The following CFAP221 variants were observed in gnomAD, a reference collection of about 807,000 sequenced individuals.
CFAP221 encodes cilia- and flagella-associated protein 221.
A neutral mutation model predicts 113.1 loss-of-function variants in CFAP221; 97 were observed. That is an observed-to-expected ratio of 0.86 (90% confidence interval 0.73 to 1.02). CFAP221 has a LOEUF of 1.02. Ranked by LOEUF, CFAP221 falls within the 50% of genes least tolerant of loss-of-function variation. CFAP221 has a pLI of 0.00. For missense variants in CFAP221, 1,025 were observed against 1,013.4 expected (o/e 1.01, Z -0.16); for synonymous variants, 331 against 354.4 (o/e 0.93, Z 0.74).
intron 7 of CFAP221, among the ~76,000 whole-genome samples, chr2:119,595,691 C>T (rs1683916990): frequency 6.6e-6 from 1 of 152,034 alleles, no homozygotes; most frequent in Non-Finnish European, 1.5e-5. Flanking sequence ...AGCAGAGATG[C>T]CAGTCGGGGG....
intron 13 of CFAP221, among the ~76,000 whole-genome samples, chr2:119,614,058 T>G (rs543141042): frequency 5.9e-5 from 9 of 152,204 alleles, no homozygotes; most frequent in Non-Finnish European, 1.3e-4. Context: ...TCCACAGATC[T>G]CTAGGGCAGG....
At chr2:119,605,127 G>A (rs1009923485) in intron 10 of CFAP221, 54 bp from the exon 11 acceptor site, 47 of 1,523,334 alleles carry the variant, frequency 3.1e-5, no homozygotes, top group South Asian at 6.8e-5. Flanking sequence ...TTTTCTCTCC[G>A]CACATGATTT....
intron 7 of CFAP221, among the ~76,000 whole-genome samples, chr2:119,599,811 G>A (rs559434180): frequency 6.6e-6 from 1 of 152,282 alleles, no homozygotes; most frequent in South Asian, 2.1e-4. Context: ...AATGTAAACT[G>A]TGAGATCTGG....
At chr2:119,572,697 C>T (rs1421152697) in intron 6 of CFAP221, 2 of 598,974 alleles carry the variant, frequency 3.3e-6, no homozygotes, top group Admixed American at 2.5e-5. Context: ...CTGAAACTCA[C>T]CTGGGGAAGT....
intron 6 of CFAP221, among the ~76,000 whole-genome samples, chr2:119,567,126 C>T (rs895525559): frequency 1.3e-5 from 2 of 152,184 alleles, no homozygotes; most frequent in African/African-American, 4.8e-5. Flanking sequence ...CCTACATTGA[C>T]ACATCATTAT....
chr2:119,554,654 C>T (rs934148063), intron 3 of CFAP221, among the ~76,000 whole-genome samples: 1 of 152,162 alleles, frequency 6.6e-6, no homozygotes, highest in African/African-American at 2.4e-5. Context: ...GGCCATGAAT[C>T]GCATTGGCTT....
chr2:119,562,714 G>A (rs1300698012), intron 6 of CFAP221, among the ~76,000 whole-genome samples: 1 of 152,136 alleles, frequency 6.6e-6, no homozygotes, highest in African/African-American at 2.4e-5. Context: ...GGAATGTCTT[G>A]TTCTTTCAGT....
At chr2:119,598,246 A>G (rs925885407) in intron 7 of CFAP221, among the ~76,000 whole-genome samples, 3 of 152,376 alleles carry the variant, frequency 2.0e-5, no homozygotes, top group East Asian at 1.9e-4. Context: ...CCTCACTGCC[A>G]TAACAAGTAA....
chr2:119,550,803 G>A lies in CFAP221; in HGVS notation c.240+1618G>A, dbSNP rs185842682. On this transcript the variant is annotated intron_variant, in intron 3 of 23. Transcript: ENST00000413369. Reference sequence around the variant, plus strand: ...TATGTATACAATTCAATAATTTTTAGTGTATTCTCAGAGTTGTGCAACCAT... The same window carrying A: ...TATGTATACAATTCAATAATTTTTAATGTATTCTCAGAGTTGTGCAACCAT... 1.4e-4 allele frequency among the ~76,000 whole-genome samples: 22 copies of A among 152,154 alleles called. No homozygotes were observed. The East Asian group carries it at 4.2e-3, about 29-fold the overall frequency.
intron 2 of CFAP221, among the ~76,000 whole-genome samples, chr2:119,547,429 G>A (rs1680126480): frequency 3.9e-5 from 6 of 151,980 alleles, no homozygotes; most frequent in Admixed American, 3.9e-4. Context: ...TGTGGTGGCA[G>A]GCGCCTGTAA....
intron 7 of CFAP221, 104 bp from the exon 8 acceptor site, chr2:119,601,114 T>A: frequency 8.4e-7 from 1 of 1,184,174 alleles, no homozygotes; most frequent in Non-Finnish European, 1.1e-6. Flanking sequence ...GTGCCCCTAA[T>A]CTCCACATTG....
At position 119,559,959 on chromosome 2, in the gene CFAP221, C is replaced by G. The variant is rs896978449; in HGVS notation, c.359C>G (p.Thr120Arg). The G allele has an allele frequency of 2.6e-6, 4 of 1,535,360 alleles. No individual in the cohort carries two copies. Among genetic ancestry groups the G allele is most frequent in the Non-Finnish European group, 2.6e-6 (3 of 1,146,732 alleles). The stretch of plus-strand genomic sequence containing the variant: ...CACCTGGTCCCTGGCTTGTCCCTCA[C>G]GGTCACCGTTACATTTTCTCCAGAT... ...EHHLVPGLSL[T>R]VTVTFSPDEW... Residue 120 changes from threonine to arginine, a missense_variant, in exon 5 of 24, where the codon ACG becomes AGG. Thr to Arg is a moderately conservative substitution (Grantham distance 71). Transcript: ENST00000413369.
chr2:119,612,486 C>T (rs930767162), intron 13 of CFAP221, among the ~76,000 whole-genome samples: 7 of 152,146 alleles, frequency 4.6e-5, no homozygotes, highest in East Asian at 3.9e-4. Flanking sequence ...AAAACTAAGT[C>T]GCTATCATGA....
intron 5 of CFAP221, among the ~76,000 whole-genome samples, chr2:119,560,456 G>A (rs1414702861): frequency 2.6e-5 from 4 of 152,194 alleles, no homozygotes; most frequent in African/African-American, 9.7e-5. Flanking sequence ...AGGCAGCCCT[G>A]GTGCAGGGGA....
intron 6 of CFAP221, among the ~76,000 whole-genome samples, chr2:119,578,521 C>T (rs550425088): frequency 2.6e-5 from 4 of 152,312 alleles, no homozygotes; most frequent in African/African-American, 9.6e-5. Flanking sequence ...ATTGACTTAA[C>T]CCTAAAATGA....
chr2:119,561,941 A>T, intron 5 of CFAP221, 73 bp from the exon 6 acceptor site: 1 of 948,918 alleles, frequency 1.1e-6, no homozygotes, highest in Non-Finnish European at 1.6e-6. Flanking sequence ...GATAAGAAAT[A>T]AAGCATCTAC....
intron 6 of CFAP221, among the ~76,000 whole-genome samples, chr2:119,571,368 G>T (rs1218516600): frequency 6.6e-6 from 1 of 151,774 alleles, no homozygotes; most frequent in African/African-American, 2.4e-5. Context: ...TCGAATTCCT[G>T]ACCTCAGGTG....
chr2:119,643,324 C>T (rs1379165517), intron 21 of CFAP221, among the ~76,000 whole-genome samples: 4 of 152,196 alleles, frequency 2.6e-5, no homozygotes, highest in East Asian at 3.8e-4. Flanking sequence ...TCGTAATAAT[C>T]GAAGCAGCTC....
intron 6 of CFAP221, among the ~76,000 whole-genome samples, chr2:119,564,835 A>G (rs2104551542): frequency 6.6e-6 from 1 of 152,260 alleles, no homozygotes; most frequent in African/African-American, 2.4e-5. Context: ...TATGCTGAAC[A>G]TTGCTGGCAT....
Sources: gnomAD v4.1 joint callset for allele counts (sites outside exome capture counted in the v4.1 genomes callset) on GRCh38, gnomAD v4.1.1 for gene constraint, MANE v1.5 for transcripts, NCBI Gene and HGNC (gene_info 2026-07-23, HGNC 2026-07-21) for gene names.